OVCH2: variants seen among roughly 807,000 people sequenced by gnomAD.
OVCH2 encodes the protein ovochymase-2.
OVCH2 carries 88 observed loss-of-function variants against 73.7 expected under a neutral mutation model. That is an observed-to-expected ratio of 1.19 (90% CI 1.01 to 1.43). The LOEUF is 1.43. Among genes scored for constraint, OVCH2 ranks in the 40% most tolerant of loss-of-function variants. OVCH2 has a pLI of 0.00. For missense variants in OVCH2, 706 were observed against 674.5 expected (o/e 1.05, Z -0.52); for synonymous variants, 265 against 234.5 (o/e 1.13, Z -1.19).
At chr11:7,689,868 C>T (rs534291407) in intron 15 of OVCH2, 56 bp downstream of exon 15, 56 of 1,085,318 alleles carry the variant, frequency 5.2e-5, no homozygotes, top group South Asian at 8.0e-5. Flanking sequence ...CCTGCTTCTC[C>T]GGTTGAACCC....
chr11:7,680,466 G>T, the OVCH2 span, among the ~76,000 whole-genome samples: 1 of 152,172 alleles, frequency 6.6e-6, no homozygotes, highest in East Asian at 1.9e-4. Context: ...TCAATTATCC[G>T]GGTGGGCCTG....
Position 7,701,470 on chromosome 11 carries a change from C to T in OVCH2, c.565G>A (p.Val189Ile), listed in dbSNP as rs142170838. The T allele has an allele frequency of 5.2e-4, 834 of 1,609,544 alleles. 8 individuals carry two copies. The East Asian group carries it at 0.015, about 30-fold the overall frequency. Reference protein sequence around the residue: ...AGWGRLTEGGVLSQVLQEVNL... With the variant: ...AGWGRLTEGGILSQVLQEVNL... ...ACTTCCTGCAAGACTTGTGAGAGGA[C>T]GCCACCTGAAAAACAGAGAGATGGA... Residue 189 changes from valine (V) to isoleucine (I), a missense_variant, in exon 6 of 16, where the codon GTC becomes ATC. Physicochemically the swap from Val to Ile is conservative, Grantham distance 29. Transcript: ENST00000533663.
chr11:7,702,933 C>T (rs931710467), intron 3 of OVCH2, among the ~76,000 whole-genome samples: 2 of 152,170 alleles, frequency 1.3e-5, no homozygotes, highest in Non-Finnish European at 2.9e-5. Context: ...GTATACTTCC[C>T]TGACTCTTGG....
chr11:7,695,636 C>T lies in OVCH2; in HGVS notation c.1216G>A (p.Asp406Asn). ...AACCCAGCTGCATTATCTGTGGCAT[C>T]AGAGACGAATTTCAGCCTTAGAGAA... ...SNSLRLKFVS[D>N]ATDNAAGFNL... Residue 406 changes from aspartate (D) to asparagine (N), a missense_variant, in exon 11 of 16, where the codon GAT (aspartate) becomes AAT (asparagine). Asp to Asn is a conservative substitution (Grantham distance 23). Coordinates refer to ENST00000533663, the MANE Select transcript of OVCH2 (RefSeq NM_198185.7). The T allele has an allele frequency of 6.2e-7, 1 of 1,613,306 alleles. No individual in the cohort carries two copies. Among genetic ancestry groups the T allele is most frequent in the African/African-American group, 1.3e-5 (1 of 74,556 alleles).
intron 12 of OVCH2, among the ~76,000 whole-genome samples, chr11:7,692,553 TGTAA>T (rs1406676591): frequency 6.6e-6 from 1 of 152,174 alleles, no homozygotes; most frequent in Non-Finnish European, 1.5e-5. Flanking sequence ...AAGGCACAGA[TGTAA>T]GTGAGTCTAA....
chr11:7,698,392 G>C (rs1475571977), intron 8 of OVCH2, among the ~76,000 whole-genome samples: 1 of 152,212 alleles, frequency 6.6e-6, no homozygotes, highest in African/African-American at 2.4e-5. Context: ...ATTCATCGCA[G>C]GATCGCAATG....
the OVCH2 span, among the ~76,000 whole-genome samples, chr11:7,679,686 T>A: frequency 2.0e-5 from 3 of 152,188 alleles, no homozygotes; most frequent in African/African-American, 4.8e-5. Context: ...CTTTATAAAT[T>A]ATCCAGTCAG....
chr11:7,691,768 G>A (rs1190736455), intron 13 of OVCH2, 134 bp downstream of exon 13: 8 of 665,106 alleles, frequency 1.2e-5, no homozygotes, highest in African/African-American at 1.8e-5. Flanking sequence ...ACAAAGGAGT[G>A]ATGGTGAGAC....
downstream of OVCH2, among the ~76,000 whole-genome samples, chr11:7,688,107 T>A (rs570773096): frequency 6.6e-6 from 1 of 152,274 alleles, no homozygotes; most frequent in African/African-American, 2.4e-5. Context: ...ACAGCTCCCA[T>A]GTCTGTCCTG....
chr11:7,682,165 A>C, the OVCH2 span, among the ~76,000 whole-genome samples: 3 of 152,226 alleles, frequency 2.0e-5, no homozygotes, highest in African/African-American at 4.8e-5. Context: ...AATTGTTATA[A>C]TCTTTTTACA....
rs59257751 is a variant in OVCH2, at chr11:7,692,651, G to T, written c.1414-656C>A. Among the ~76,000 whole-genome samples, 245 of 152,320 alleles carry T rather than the reference G, an allele frequency of 1.6e-3. 1 individual carries two copies. Among genetic ancestry groups the T allele is most frequent in the African/African-American group, 5.8e-3 (240 of 41,570 alleles). On this transcript the variant is annotated intron_variant, in intron 12 of 15. Coordinates refer to ENST00000533663, the MANE Select transcript of OVCH2 (RefSeq NM_198185.7). Reference sequence around the variant, plus strand: ...CGGAGTCAAATGTAGTGAGCCTCATGAATGTGCATGAAAAAGGAAATCCTT... The same window carrying T: ...CGGAGTCAAATGTAGTGAGCCTCATTAATGTGCATGAAAAAGGAAATCCTT...
At chr11:7,694,709 C>G (rs1468670616) in intron 12 of OVCH2, among the ~76,000 whole-genome samples, 4 of 151,880 alleles carry the variant, frequency 2.6e-5, no homozygotes, top group Non-Finnish European at 4.4e-5. Context: ...CCTCCATCTC[C>G]CGGGTTCAAG....
chr11:7,688,641 A>T (rs1006744179), downstream of OVCH2, among the ~76,000 whole-genome samples: 28 of 151,520 alleles, frequency 1.8e-4, no homozygotes, highest in Non-Finnish European at 3.4e-4. Context: ...AAAAATAAAA[A>T]TAAAAAATAA....
chr11:7,698,800 T>C (rs753873959), intron 7 of OVCH2, 27 bp from the exon 8 acceptor site: 21 of 1,611,000 alleles, frequency 1.3e-5, no homozygotes, highest in Middle Eastern at 3.3e-4. Context: ...AGGATGCAAT[T>C]GAAAGCCTGT....
downstream of OVCH2, among the ~76,000 whole-genome samples, chr11:7,685,735 G>A (rs1272854949): frequency 6.6e-6 from 1 of 151,976 alleles, no homozygotes; most frequent in East Asian, 1.9e-4. Context: ...TGTCTTCAAT[G>A]AAGCTGGGAT....
chr11:7,696,420 C>T (rs1216497152), intron 10 of OVCH2, 45 bp downstream of exon 10: 7 of 1,611,464 alleles, frequency 4.3e-6, no homozygotes, highest in Admixed American at 1.7e-5. Context: ...CTCATTAAGC[C>T]CACTTGGCAC....
intron 14 of OVCH2, among the ~76,000 whole-genome samples, chr11:7,690,776 T>C (rs1196874778): frequency 6.6e-6 from 1 of 152,016 alleles, no homozygotes; most frequent in Non-Finnish European, 1.5e-5. Context: ...TTAGTGGCAC[T>C]TTTTTTTCAT....
At chr11:7,695,799 A>G in intron 10 of OVCH2, 89 bp from the exon 11 acceptor site, 2 of 1,505,172 alleles carry the variant, frequency 1.3e-6, no homozygotes, top group Non-Finnish European at 1.8e-6. Context: ...TTGCCATGAT[A>G]TTTCAGGATT....
the OVCH2 span, among the ~76,000 whole-genome samples, chr11:7,681,327 G>T: frequency 6.6e-6 from 1 of 152,140 alleles, no homozygotes; most frequent in South Asian, 2.1e-4. Context: ...CAGGTATAAA[G>T]CAATGGCAAT....
Sources: gnomAD v4.1 joint callset for allele counts (sites outside exome capture counted in the v4.1 genomes callset) on GRCh38, gnomAD v4.1.1 for gene constraint, MANE v1.5 for transcripts, NCBI Gene and HGNC (gene_info 2026-07-23, HGNC 2026-07-21) for gene names.